Variants in CHST15 observed in about 807,000 individuals in gnomAD.
CHST15 encodes carbohydrate sulfotransferase 15, also known as B cell RAG associated protein (GALNAC4S-6ST).
In CHST15, 30 loss-of-function variants were observed where a neutral mutation model predicts 53.6. The observed-to-expected ratio is 0.56, with a 90% CI of 0.42 to 0.76. The LOEUF (loss-of-function observed/expected upper bound fraction) is 0.76. CHST15 is among the 30% of genes least tolerant of loss of function. The probability of loss-of-function intolerance (pLI) is 0.00; values close to 1 mark genes in which losing one functional copy is unlikely to be tolerated. For missense variants in CHST15, 627 were observed against 740.5 expected (o/e 0.85, Z 1.78); for synonymous variants, 296 against 289.8 (o/e 1.02, Z -0.22).
At chr10:124,077,327 A>G (rs549392984) in intron 1 of CHST15, among the ~76,000 whole-genome samples, 30 of 152,308 alleles carry the variant, frequency 2.0e-4, no homozygotes, top group Admixed American at 6.5e-4. Context: ...CCTGTTTATC[A>G]TAAGTCTGAT....
At chr10:124,064,655 C>T (rs1404067501) in intron 1 of CHST15, among the ~76,000 whole-genome samples, 3 of 143,520 alleles carry the variant, frequency 2.1e-5, no homozygotes, top group African/African-American at 7.7e-5. Context: ...ATCCCCCCAA[C>T]CCCACCCCCG....
intron 6 of CHST15, 21 bp downstream of exon 6, chr10:124,021,235 A>AT: frequency 4.1e-6 from 1 of 242,734 alleles, no homozygotes; most frequent in South Asian, 3.6e-5. Flanking sequence ...CTCGGGGGGT[A>AT]CGGGGGGGGG....
intron 1 of CHST15, among the ~76,000 whole-genome samples, chr10:124,057,976 C>A (rs943791970): frequency 2.0e-5 from 3 of 152,168 alleles, no homozygotes; most frequent in Non-Finnish European, 2.9e-5. Flanking sequence ...AGTTCTCCCC[C>A]CCAATGATTT....
intron 1 of CHST15, among the ~76,000 whole-genome samples, chr10:124,061,295 G>C (rs967343610): frequency 6.6e-6 from 1 of 152,114 alleles, no homozygotes; most frequent in South Asian, 2.1e-4. Context: ...TGACTCATGG[G>C]GGCCGGTTTT....
rs949250769 is a variant in CHST15, at chr10:124,074,774, C to A, written c.-513+18695G>T. Among the ~76,000 whole-genome samples the A allele has an allele frequency of 1.3e-5, 2 of 152,218 alleles. No individual in the cohort carries two copies. The highest frequency in any genetic ancestry group is 4.8e-5 in the African/African-American group (2 of 41,456). On this transcript the variant is annotated intron_variant, in intron 1 of 7. Coordinates refer to ENST00000435907, the MANE Select transcript of CHST15 (RefSeq NM_001270764.2). The surrounding 1 kb of genome is among the most constrained non-coding windows in gnomAD (Gnocchi z 4.4). ...TGCCTAAGTGTTTCCACCTCATTCA[C>A]CTCCTAGACTCTAACCTCCATGAGG...
chr10:124,072,687 G>A (rs955480613), intron 1 of CHST15, among the ~76,000 whole-genome samples: 4 of 152,214 alleles, frequency 2.6e-5, no homozygotes, highest in Admixed American at 1.3e-4. Flanking sequence ...ATTGCATGCA[G>A]ACACCCAAAG....
At chr10:124,038,273 T>C (rs963725730) in intron 5 of CHST15, among the ~76,000 whole-genome samples, 1 of 151,892 alleles carries the variant, frequency 6.6e-6, no homozygotes, top group Non-Finnish European at 1.5e-5. Context: ...CATCTGGTAA[T>C]TTTTGTATTT....
chr10:124,060,613 G>A (rs1948539661), intron 1 of CHST15, among the ~76,000 whole-genome samples: 1 of 150,942 alleles, frequency 6.6e-6, no homozygotes, highest in Non-Finnish European at 1.5e-5. Flanking sequence ...GGGGCATGTG[G>A]GCATGTGGAG....
intron 1 of CHST15, among the ~76,000 whole-genome samples, chr10:124,055,575 A>C (rs1007823383): frequency 6.6e-6 from 1 of 152,204 alleles, no homozygotes; most frequent in African/African-American, 2.4e-5. Flanking sequence ...TGCAGGAAGT[A>C]ACACCCAAGT....
Position 124,008,301 on chromosome 10 carries a change from G to T in CHST15, c.*1848C>A. ...GAGCGGAGGAGCCTCATTAGCAACT[G>T]AACAGAACCCACTCAGAAGACGCAC... On this transcript the variant is annotated 3_prime_UTR_variant, in exon 8 of 8. Coordinates refer to ENST00000435907, the MANE Select transcript of CHST15 (RefSeq NM_001270764.2). 8.8e-7 allele frequency: 1 copy of T among 1,130,418 alleles called. No homozygotes were observed. The highest frequency in any genetic ancestry group is 1.1e-6 in the Non-Finnish European group (1 of 924,698). 70.0% of individuals were successfully genotyped at this position (1,130,418 alleles called of 1,614,324 possible).
chr10:124,020,438 C>T, intron 6 of CHST15: 1 of 985,522 alleles, frequency 1.0e-6, no homozygotes, highest in Non-Finnish European at 1.2e-6. Flanking sequence ...CCTGGAATCC[C>T]ACCTGCTGCC....
rs1301166585 is a variant in CHST15 at position 124,009,840 on chromosome 10, T to C, written c.*309A>G. On this transcript the variant is annotated 3_prime_UTR_variant, in exon 8 of 8. Transcript: ENST00000435907. ...AGGGCCAGGCTGCCTTCCCTAGGTG[T>C]TCTCTCCACACCCAGTGCAGGCCAG... 4.4e-6 allele frequency: 5 copies of C among 1,131,622 alleles called. No homozygotes were observed. The highest frequency in any genetic ancestry group is 5.4e-6 in the Non-Finnish European group (5 of 920,750). The allele number at this position is 1,131,622 out of a possible 1,614,324, so 70.1% of individuals were successfully genotyped here. A position where few individuals can be genotyped will look rare whatever the true frequency, so the allele number is the denominator to read the frequency against.
chr10:124,076,455 T>G (rs1949072978), intron 1 of CHST15, among the ~76,000 whole-genome samples: 2 of 152,220 alleles, frequency 1.3e-5, no homozygotes, highest in African/African-American at 4.8e-5. Context: ...GGGCATTTCC[T>G]AAGCGTGTGC....
chr10:124,022,743 T>G (rs1223592029), intron 5 of CHST15, among the ~76,000 whole-genome samples: 3 of 151,042 alleles, frequency 2.0e-5, no homozygotes, highest in Non-Finnish European at 1.5e-5. Flanking sequence ...TCCCCACCCC[T>G]TCCCCCTTGA....
chr10:124,027,614 C>T (rs912733606), intron 5 of CHST15, among the ~76,000 whole-genome samples: 1 of 152,232 alleles, frequency 6.6e-6, no homozygotes, highest in Non-Finnish European at 1.5e-5. Flanking sequence ...TCAGTTTCCA[C>T]TCCTGATGTG....
chr10:124,031,557 G>T (rs1590217277), intron 5 of CHST15, among the ~76,000 whole-genome samples: 2 of 152,280 alleles, frequency 1.3e-5, no homozygotes, highest in South Asian at 4.1e-4. Context: ...GAAAACACGG[G>T]ATTATAACTT....
chr10:124,042,302 G>A lies in CHST15; in HGVS notation c.1032C>T (p.Ile344=), dbSNP rs779309030. The change falls in exon 4 of 8, where the codon ATC becomes ATT. Residue 344 remains isoleucine (I), a splice_region_variant and synonymous_variant. Coordinates refer to ENST00000435907, the MANE Select transcript of CHST15 (RefSeq NM_001270764.2). ...GCCAGAGTGACACAGACGCCTTACC[G>A]ATAATGATTGTATTCATCTTGCTCT... The part of the protein sequence containing the change: ...KEQSKMNTII[I]GEASASTMWD... The A allele has an allele frequency of 9.9e-6, 16 of 1,608,902 alleles. No individual in the cohort carries two copies. In the Admixed American group the frequency reaches 1.2e-4, roughly 12 times the overall value.
chr10:124,016,969 C>G (rs369742380), intron 6 of CHST15, among the ~76,000 whole-genome samples: 1 of 152,118 alleles, frequency 6.6e-6, no homozygotes, highest in East Asian at 1.9e-4. Context: ...AGTGCTGACC[C>G]GCAGCAGGAG....
At chr10:124,060,748 A>G (rs915189619) in intron 1 of CHST15, among the ~76,000 whole-genome samples, 2 of 152,196 alleles carry the variant, frequency 1.3e-5, no homozygotes, top group African/African-American at 2.4e-5. Context: ...ATTGTTTTCA[A>G]ATGAAGTTAT....
Sources: gnomAD v4.1 joint callset for allele counts (sites outside exome capture counted in the v4.1 genomes callset) on GRCh38, gnomAD v4.1.1 for gene constraint, Gnocchi (gnomAD v3.1) non-coding constraint, MANE v1.5 for transcripts, NCBI Gene and HGNC (gene_info 2026-07-23, HGNC 2026-07-21) for gene names.